The following GFOD2 variants were observed in gnomAD, a reference collection of about 807,000 sequenced individuals.
The protein encoded by GFOD2 is glucose-fructose oxidoreductase domain-containing protein 2.
Under a neutral mutation model 24.6 loss-of-function variants are expected in GFOD2, and 9 were observed. The ratio of observed to expected loss-of-function variants is 0.37; its 90% CI spans 0.22 to 0.64. The LOEUF (loss-of-function observed/expected upper bound fraction) is 0.64. GFOD2 is among the 30% of genes least tolerant of loss of function. GFOD2 has a pLI of 0.65. For synonymous variants in GFOD2, 211 were observed against 224.8 expected, an observed-to-expected ratio of 0.94 and a Z score of 0.55; for missense variants, 476 against 532.5, an observed-to-expected ratio of 0.89 and a Z score of 1.04.
At chr16:67,698,849 A>G (rs1441691894) in intron 1 of GFOD2, among the ~76,000 whole-genome samples, 1 of 152,138 alleles carries the variant, frequency 6.6e-6, no homozygotes, top group Non-Finnish European at 1.5e-5. Context: ...AGACACAGAG[A>G]ACCAGTTAGG....
At chr16:67,678,061 A>T (rs2053195548) in intron 2 of GFOD2, among the ~76,000 whole-genome samples, 1 of 152,252 alleles carries the variant, frequency 6.6e-6, no homozygotes, top group Non-Finnish European at 1.5e-5. Flanking sequence ...GGTGCAGCTT[A>T]CCCTGATGGA....
At chr16:67,683,098 C>A in intron 2 of GFOD2, 1 of 583,028 alleles carries the variant, frequency 1.7e-6, no homozygotes, top group Non-Finnish European at 2.2e-6. Flanking sequence ...GTAGCTGGGA[C>A]CACAGTCGCG....
intron 1 of GFOD2, among the ~76,000 whole-genome samples, chr16:67,707,058 CAA>C (rs34823143): frequency 1.8e-4 from 19 of 102,832 alleles, no homozygotes; most frequent in Admixed American, 3.3e-4. Flanking sequence ...GACTCCATCT[CAA>C]AAAAAAAAAA....
chr16:67,706,875 G>A (rs1299849460), intron 1 of GFOD2, among the ~76,000 whole-genome samples: 1 of 151,972 alleles, frequency 6.6e-6, no homozygotes, highest in East Asian at 1.9e-4. Context: ...GCTAACACAT[G>A]GTGAAACCCC....
chr16:67,715,725 T>A (rs1204226113), intron 1 of GFOD2, among the ~76,000 whole-genome samples: 1 of 152,176 alleles, frequency 6.6e-6, no homozygotes. Flanking sequence ...TGTATATAAG[T>A]TCTCAAAAAT....
At chr16:67,706,893 C>T (rs1028301394) in intron 1 of GFOD2, among the ~76,000 whole-genome samples, 2 of 151,782 alleles carry the variant, frequency 1.3e-5, no homozygotes, top group Non-Finnish European at 2.9e-5. Flanking sequence ...CCCATCTCTA[C>T]CAAAAATGCA....
intron 1 of GFOD2, among the ~76,000 whole-genome samples, chr16:67,717,304 G>C (rs1324285547): frequency 3.9e-5 from 6 of 152,172 alleles, no homozygotes; most frequent in Admixed American, 3.3e-4. Context: ...AATGTAAATA[G>C]AAAATTAGTT....
intron 1 of GFOD2, among the ~76,000 whole-genome samples, chr16:67,704,556 AC>A (rs999520502): frequency 1.4e-4 from 21 of 149,778 alleles, no homozygotes; most frequent in African/African-American, 5.2e-4. Flanking sequence ...ACTACAAAAA[AC>A]CCCCACAGCT....
chr16:67,676,249 G>A (rs1450217823), intron 2 of GFOD2, 196 bp from the exon 3 acceptor site: 2 of 608,860 alleles, frequency 3.3e-6, no homozygotes, highest in South Asian at 2.1e-5. Flanking sequence ...CCTCCATCTT[G>A]GCCTCCTAAG....
intron 2 of GFOD2, chr16:67,681,093 A>G: frequency 1.0e-6 from 1 of 985,458 alleles, no homozygotes; most frequent in Non-Finnish European, 1.2e-6. Flanking sequence ...AGGGAAGACA[A>G]TCACAGTTCT....
intron 1 of GFOD2, among the ~76,000 whole-genome samples, chr16:67,704,026 C>T (rs1029089367): frequency 1.3e-5 from 2 of 152,202 alleles, no homozygotes; most frequent in Non-Finnish European, 2.9e-5. Flanking sequence ...GATTTTCCTT[C>T]CTTTTATAAA....
chr16:67,681,849 C>T, intron 2 of GFOD2: 1 of 985,238 alleles, frequency 1.0e-6, no homozygotes, highest in Non-Finnish European at 1.2e-6. Flanking sequence ...CTGAGTTTAT[C>T]TAGCTCTCCT....
chr16:67,716,989 C>A (rs2053511132), intron 1 of GFOD2, among the ~76,000 whole-genome samples: 1 of 152,112 alleles, frequency 6.6e-6, no homozygotes, highest in South Asian at 2.1e-4. Flanking sequence ...TTTTGCCTCC[C>A]AGGTTCAAGC....
intron 1 of GFOD2, among the ~76,000 whole-genome samples, chr16:67,707,380 C>T (rs1466834695): frequency 1.3e-5 from 2 of 150,492 alleles, no homozygotes; most frequent in African/African-American, 4.9e-5. Flanking sequence ...AAAAGACTTA[C>T]AATCCTGAAG....
intron 1 of GFOD2, among the ~76,000 whole-genome samples, chr16:67,686,478 T>C (rs2053267851): frequency 6.6e-6 from 1 of 152,158 alleles, no homozygotes; most frequent in Non-Finnish European, 1.5e-5. Context: ...AGGGGAGTGA[T>C]TGATCTTTAA....
intron 1 of GFOD2, among the ~76,000 whole-genome samples, chr16:67,716,390 G>A (rs1249792261): frequency 6.6e-6 from 1 of 152,140 alleles, no homozygotes; most frequent in African/African-American, 2.4e-5. Context: ...ATAGCAACCA[G>A]GACTTTTGAG....
At chr16:67,706,173 C>T (rs112590726) in intron 1 of GFOD2, among the ~76,000 whole-genome samples, 8,305 of 151,862 alleles carry the variant, frequency 0.055, 660 homozygotes, top group African/African-American at 0.18. Flanking sequence ...GATGGGGTTT[C>T]ACCACATCGG....
intron 2 of GFOD2, among the ~76,000 whole-genome samples, chr16:67,679,236 CTT>C (rs113508363): frequency 3.6e-5 from 5 of 139,506 alleles, no homozygotes; most frequent in African/African-American, 2.6e-5. Context: ...TTTTTTTTTT[CTT>C]TTTTTTTTTT....
At chr16:67,705,228 G>A (rs1039282840) in intron 1 of GFOD2, among the ~76,000 whole-genome samples, 5 of 151,782 alleles carry the variant, frequency 3.3e-5, no homozygotes, top group African/African-American at 1.2e-4. Context: ...TCTTTTTTTA[G>A]ACACAATCCC....
Sources: gnomAD v4.1 joint callset for allele counts (sites outside exome capture counted in the v4.1 genomes callset) on GRCh38, gnomAD v4.1.1 for gene constraint, MANE v1.5 for transcripts, NCBI Gene and HGNC (gene_info 2026-07-23, HGNC 2026-07-21) for gene names.